The following PRKG1 variants were observed in gnomAD, a reference collection of about 807,000 sequenced individuals.
The protein encoded by PRKG1 is protein kinase cGMP-dependent 1, also known as cGMP-dependent protein kinase 1.
In PRKG1, 35 loss-of-function variants were observed where a neutral mutation model predicts 88.1. The ratio of observed to expected loss-of-function variants is 0.40; its 90% CI spans 0.30 to 0.53. PRKG1 has a LOEUF of 0.53. Among genes scored for constraint, PRKG1 ranks in the 20% least tolerant of loss-of-function variants. PRKG1 has a pLI of 0.59. For missense variants in PRKG1, 540 were observed against 839.8 expected (o/e 0.64, Z 4.41); for synonymous variants, 303 against 292.5 (o/e 1.04, Z -0.37).
At chr10:52,105,705 C>T (rs1200943864) in intron 7 of PRKG1, among the ~76,000 whole-genome samples, 1 of 151,942 alleles carries the variant, frequency 6.6e-6, no homozygotes, top group African/African-American at 2.4e-5. Flanking sequence ...GTTTGTTGTA[C>T]AGATTATTTC....
chr10:51,637,537 G>T (rs1469978056), intron 3 of PRKG1, among the ~76,000 whole-genome samples: 2 of 152,178 alleles, frequency 1.3e-5, no homozygotes, highest in African/African-American at 4.8e-5. Flanking sequence ...ATCAATGATA[G>T]ACTAGATAAA....
chr10:52,165,874 C>G (rs1280050467), intron 9 of PRKG1, among the ~76,000 whole-genome samples: 1 of 152,154 alleles, frequency 6.6e-6, no homozygotes, highest in Non-Finnish European at 1.5e-5. Context: ...GCATTCAGCT[C>G]AGGTAGATAG....
chr10:51,342,787 G>T (rs1299935142), intron 2 of PRKG1, among the ~76,000 whole-genome samples: 1 of 152,142 alleles, frequency 6.6e-6, no homozygotes, highest in Admixed American at 6.5e-5. Context: ...TATACTTATT[G>T]CTTCTTGTCC....
intron 6 of PRKG1, among the ~76,000 whole-genome samples, chr10:52,059,180 G>A (rs970386295): frequency 6.6e-6 from 1 of 151,972 alleles, no homozygotes; most frequent in African/African-American, 2.4e-5. Flanking sequence ...GTGCTAGTGA[G>A]GATGCAGAGC....
chr10:51,441,179 A>G (rs1367922778), intron 2 of PRKG1, among the ~76,000 whole-genome samples: 1 of 151,852 alleles, frequency 6.6e-6, no homozygotes, highest in Non-Finnish European at 1.5e-5. Flanking sequence ...TTGAAAAAAA[A>G]GTATCAACTT....
chr10:51,357,912 T>G (rs1564460396), intron 2 of PRKG1, among the ~76,000 whole-genome samples: 1 of 151,994 alleles, frequency 6.6e-6, no homozygotes, highest in Non-Finnish European at 1.5e-5. Context: ...AATGCTAAGT[T>G]TTCATTACTG....
intron 2 of PRKG1, among the ~76,000 whole-genome samples, chr10:51,348,971 G>C (rs1180535804): frequency 6.6e-6 from 1 of 152,114 alleles, no homozygotes; most frequent in Non-Finnish European, 1.5e-5. Context: ...ATATAAAATA[G>C]CTCACTTGGC....
At chr10:51,470,187 A>G (rs1235842814) in intron 3 of PRKG1, among the ~76,000 whole-genome samples, 1 of 151,866 alleles carries the variant, frequency 6.6e-6, no homozygotes, top group Non-Finnish European at 1.5e-5. Flanking sequence ...TGTGATAAAA[A>G]CATGTCTTCA....
intron 5 of PRKG1, among the ~76,000 whole-genome samples, chr10:51,943,431 T>G (rs929646527): frequency 1.2e-4 from 18 of 152,024 alleles, no homozygotes; most frequent in African/African-American, 3.9e-4. Flanking sequence ...TTTTCCTAAT[T>G]GAATACCTTT....
chr10:51,230,417 T>A (rs1434668490), intron 2 of PRKG1, among the ~76,000 whole-genome samples: 1 of 152,212 alleles, frequency 6.6e-6, no homozygotes, highest in Non-Finnish European at 1.5e-5. Flanking sequence ...TTACTTACTG[T>A]TGGTATTTTT....
intron 9 of PRKG1, among the ~76,000 whole-genome samples, chr10:52,166,819 G>GTATATATATATGTATATA (rs370403466): frequency 1.8e-5 from 1 of 55,314 alleles, no homozygotes; most frequent in Non-Finnish European, 4.1e-5. Context: ...GTATATATAT[G>GTATATATATATGTATATA]TATATATATG....
Position 51,743,648 on chromosome 10 carries a change from A to T in PRKG1, c.593-60937A>T, listed in dbSNP as rs557024434. ...TTTAATTTATTTTATATATATATAT[A>T]ATATAAACTAAATATATATATATTT... On this transcript the variant is annotated intron_variant, in intron 3 of 17. Transcript: ENST00000373980. Among the ~76,000 whole-genome samples, 343 of 138,406 alleles carry T rather than the reference A, an allele frequency of 2.5e-3. 5 individuals carry two copies. The highest frequency in any genetic ancestry group is 8.6e-3 in the African/African-American group (324 of 37,796). The allele number at this position is 138,406 out of a possible 152,430, so 90.8% of individuals were successfully genotyped here.
chr10:51,793,156 A>AC (rs1320937811), intron 3 of PRKG1, among the ~76,000 whole-genome samples: 161 of 149,902 alleles, frequency 1.1e-3, no homozygotes, highest in Non-Finnish European at 2.2e-3. Flanking sequence ...AAAAAAAAAA[A>AC]AACCAGAACA....
At chr10:51,661,846 C>T (rs1019004091) in intron 3 of PRKG1, among the ~76,000 whole-genome samples, 53 of 152,070 alleles carry the variant, frequency 3.5e-4, no homozygotes, top group Non-Finnish European at 1.8e-4. Context: ...CCATCAATGA[C>T]AGACTGGATT....
At chr10:51,363,216 CAAA>C (rs748036560) in intron 2 of PRKG1, among the ~76,000 whole-genome samples, 3 of 116,962 alleles carry the variant, frequency 2.6e-5, no homozygotes, top group Non-Finnish European at 5.6e-5. Flanking sequence ...CAATCCTAGT[CAAA>C]AAAAAAAAAA....
chr10:51,984,093 G>A (rs1330256206), intron 5 of PRKG1, among the ~76,000 whole-genome samples: 1 of 152,222 alleles, frequency 6.6e-6, no homozygotes, highest in Non-Finnish European at 1.5e-5. Flanking sequence ...TGCGGTGTGA[G>A]AGGATATATG....
intron 3 of PRKG1, among the ~76,000 whole-genome samples, chr10:51,720,999 G>C (rs1841998483): frequency 6.6e-6 from 1 of 151,910 alleles, no homozygotes; most frequent in Non-Finnish European, 1.5e-5. Context: ...TTGAGGCCAG[G>C]AGTTTGAAGC....
intron 2 of PRKG1, among the ~76,000 whole-genome samples, chr10:51,327,416 C>T (rs1438347441): frequency 1.2e-5 from 1 of 80,106 alleles, no homozygotes; most frequent in African/African-American, 4.3e-5. Flanking sequence ...GACTCAATCT[C>T]AAAAAAAAAA....
chr10:51,810,429 C>G (rs1434581591), intron 4 of PRKG1, among the ~76,000 whole-genome samples: 1 of 152,080 alleles, frequency 6.6e-6, no homozygotes, highest in East Asian at 1.9e-4. Context: ...CATCTGTATA[C>G]AAAGGATCAA....
Sources: allele counts gnomAD v4.1 joint callset (sites outside exome capture counted in the v4.1 genomes callset), GRCh38; gene constraint gnomAD v4.1.1; transcripts MANE v1.5; gene names NCBI Gene and HGNC (gene_info 2026-07-23, HGNC 2026-07-21).